The following KCNMB2 variants were observed in gnomAD, a reference collection of about 807,000 sequenced individuals.
KCNMB2 encodes the protein potassium calcium-activated channel subfamily M regulatory beta subunit 2.
A neutral mutation model predicts 24.5 loss-of-function variants in KCNMB2; 9 were observed. The ratio of observed to expected loss-of-function variants is 0.37; its 90% CI spans 0.22 to 0.64. The LOEUF (loss-of-function observed/expected upper bound fraction) is 0.64. KCNMB2 is among the 30% of genes least tolerant of loss of function. KCNMB2 has a pLI of 0.63. For synonymous variants in KCNMB2, 109 were observed against 104.4 expected (o/e 1.04, Z -0.27); for missense variants, 226 against 284.3 (o/e 0.79, Z 1.47).
At chr3:178,823,990 G>A (rs1714734533) in intron 2 of KCNMB2, among the ~76,000 whole-genome samples, 1 of 152,020 alleles carries the variant, frequency 6.6e-6, no homozygotes, top group African/African-American at 2.4e-5. Context: ...GGCTCTAAAG[G>A]CCAGCGATTT....
chr3:178,540,070 A>T (rs1297016149), intron 1 of KCNMB2, among the ~76,000 whole-genome samples: 1 of 152,172 alleles, frequency 6.6e-6, no homozygotes, highest in African/African-American at 2.4e-5. Flanking sequence ...CTCACACAGG[A>T]TATGTTCAAA....
intron 1 of KCNMB2, among the ~76,000 whole-genome samples, chr3:178,695,627 A>G (rs1293391607): frequency 6.6e-6 from 1 of 152,190 alleles, no homozygotes; most frequent in Non-Finnish European, 1.5e-5. Flanking sequence ...GCTAAAGCAT[A>G]CCAAGATTCA....
intron 1 of KCNMB2, among the ~76,000 whole-genome samples, chr3:178,598,656 T>G (rs1717966640): frequency 6.6e-6 from 1 of 151,788 alleles, no homozygotes; most frequent in Non-Finnish European, 1.5e-5. Flanking sequence ...TCTCAGGGGT[T>G]ATAACAAAAA....
chr3:178,834,732 T>C (rs146237787), intron 4 of KCNMB2, among the ~76,000 whole-genome samples: 2 of 152,240 alleles, frequency 1.3e-5, no homozygotes, highest in African/African-American at 4.8e-5. Flanking sequence ...ATTTGAGATA[T>C]TTCTTAGACA....
At chr3:178,581,737 A>G (rs925347967) in intron 1 of KCNMB2, among the ~76,000 whole-genome samples, 1 of 152,204 alleles carries the variant, frequency 6.6e-6, no homozygotes, top group African/African-American at 2.4e-5. Flanking sequence ...AAAATAAGAC[A>G]CTTATGCAGC....
intron 1 of KCNMB2, among the ~76,000 whole-genome samples, chr3:178,716,030 C>G (rs1252240447): frequency 3.3e-5 from 5 of 152,200 alleles, no homozygotes; most frequent in Admixed American, 2.6e-4. Context: ...TCTTTCCATA[C>G]TGTCAGTTGT....
chr3:178,596,027 G>A lies in KCNMB2; in HGVS notation c.-68+59316G>A, dbSNP rs183300881. Among the ~76,000 whole-genome samples, 10 of 152,062 alleles carry A rather than the reference G, an allele frequency of 6.6e-5. No individual in the cohort carries two copies. In the East Asian group the frequency reaches 1.9e-3, roughly 29 times the overall value. ...AGGAGAATGATGACCCCAAGAATGT[G>A]TCTGGACTCAGCTTGAGAGGCACCT... On this transcript the variant is annotated intron_variant, in intron 1 of 4. Coordinates refer to ENST00000452583, the MANE Select transcript of KCNMB2 (RefSeq NM_181361.3).
intron 1 of KCNMB2, among the ~76,000 whole-genome samples, chr3:178,543,885 C>A (rs905424189): frequency 2.0e-5 from 3 of 152,138 alleles, no homozygotes; most frequent in Non-Finnish European, 4.4e-5. Flanking sequence ...ATATGTTTCT[C>A]CTTTTTGTTG....
intron 1 of KCNMB2, among the ~76,000 whole-genome samples, chr3:178,590,316 T>C (rs2108498575): frequency 6.6e-6 from 1 of 152,246 alleles, no homozygotes; most frequent in African/African-American, 2.4e-5. Context: ...TTTTCTCCCC[T>C]TCATATACAC....
intron 1 of KCNMB2, among the ~76,000 whole-genome samples, chr3:178,699,564 G>T (rs193026394): frequency 3.7e-4 from 56 of 152,290 alleles, no homozygotes; most frequent in Non-Finnish European, 7.1e-4. Flanking sequence ...GGGCCCCCCG[G>T]GCACCCAAAA....
intron 1 of KCNMB2, among the ~76,000 whole-genome samples, chr3:178,764,135 C>T (rs1029961877): frequency 2.6e-5 from 4 of 152,212 alleles, no homozygotes; most frequent in Non-Finnish European, 4.4e-5. Context: ...TTTTGTCAAA[C>T]ATAAAATCTA....
intron 1 of KCNMB2, among the ~76,000 whole-genome samples, chr3:178,767,351 C>T (rs1412756460): frequency 6.6e-6 from 1 of 152,096 alleles, no homozygotes; most frequent in Non-Finnish European, 1.5e-5. Flanking sequence ...CACTCAAAGC[C>T]ATGTTATAAA....
At chr3:178,643,605 G>T (rs1016733108) in intron 1 of KCNMB2, among the ~76,000 whole-genome samples, 8 of 152,122 alleles carry the variant, frequency 5.3e-5, no homozygotes, top group African/African-American at 1.9e-4. Flanking sequence ...TGATAATCTT[G>T]TCAAAAAAGA....
intron 1 of KCNMB2, among the ~76,000 whole-genome samples, chr3:178,565,637 C>T (rs774147314): frequency 1.3e-5 from 2 of 152,112 alleles, no homozygotes; most frequent in Non-Finnish European, 1.5e-5. Context: ...TCTAACTATT[C>T]GATTGAATTA....
At chr3:178,678,505 A>G (rs996556542) in intron 1 of KCNMB2, among the ~76,000 whole-genome samples, 7 of 152,212 alleles carry the variant, frequency 4.6e-5, no homozygotes, top group Admixed American at 3.9e-4. Flanking sequence ...GCATAGCAGA[A>G]CTTGATTTGT....
intron 1 of KCNMB2, among the ~76,000 whole-genome samples, chr3:178,566,309 A>G (rs1286567079): frequency 2.0e-5 from 3 of 152,228 alleles, no homozygotes; most frequent in South Asian, 4.1e-4. Flanking sequence ...TTAATTTTCT[A>G]TTAGATACTT....
rs142743136 is a variant in KCNMB2, at chr3:178,770,910, G to A, written c.-67-36433G>A. On this transcript the variant is annotated intron_variant, in intron 1 of 4. Coordinates refer to ENST00000452583, the MANE Select transcript of KCNMB2 (RefSeq NM_181361.3). Reference sequence around the variant, plus strand: ...AGTCTTTTTGACTCTTAGCTTTTATGTCTTGTTGGTATCAGGATTAATTTG... The same window carrying A: ...AGTCTTTTTGACTCTTAGCTTTTATATCTTGTTGGTATCAGGATTAATTTG... Among the ~76,000 whole-genome samples the A allele has an allele frequency of 1.9e-3, 294 of 152,232 alleles. 3 individuals are homozygous for A. Among genetic ancestry groups the A allele is most frequent in the African/African-American group, 6.6e-3 (274 of 41,546 alleles).
intron 1 of KCNMB2, among the ~76,000 whole-genome samples, chr3:178,704,536 T>C (rs13082567): frequency 0.72 from 109,059 of 152,016 alleles, 39,680 homozygotes; most frequent in African/African-American, 0.87. Flanking sequence ...TTGTATTTAT[T>C]GGCACATGGT....
chr3:178,607,633 G>GTC (rs1158368613), intron 1 of KCNMB2, among the ~76,000 whole-genome samples: 5 of 151,288 alleles, frequency 3.3e-5, no homozygotes, highest in Admixed American at 2.6e-4. Context: ...GCATGCGTGT[G>GTC]TGTGTGTGTG....
Sources: gnomAD v4.1 joint callset for allele counts (sites outside exome capture counted in the v4.1 genomes callset) on GRCh38, gnomAD v4.1.1 for gene constraint, MANE v1.5 for transcripts, NCBI Gene and HGNC (gene_info 2026-07-23, HGNC 2026-07-21) for gene names.